Variants in PRKAG2 observed in about 807,000 individuals in gnomAD.
PRKAG2 encodes 5'-AMP-activated protein kinase subunit gamma-2.
Under a neutral mutation model 69.6 loss-of-function variants are expected in PRKAG2, and 26 were observed. The observed-to-expected ratio is 0.37, with a 90% CI of 0.27 to 0.52. The LOEUF (loss-of-function observed/expected upper bound fraction) is 0.52, where lower values mean the gene tolerates loss of function less well. Among genes scored for constraint, PRKAG2 ranks in the 20% least tolerant of loss-of-function variants. The probability of loss-of-function intolerance (pLI) is 0.90; values close to 1 mark genes in which losing one functional copy is unlikely to be tolerated. For missense variants in PRKAG2, 557 were observed against 740.0 expected (o/e 0.75, Z 2.87); for synonymous variants, 293 against 285.0 (o/e 1.03, Z -0.28).
Position 151,627,613 on chromosome 7 carries a change from G to A in PRKAG2, c.754+4456C>T, listed in dbSNP as rs142834451. ...TGCACTCCAGCCTGGGCAACAGAGC[G>A]AGACAAAAATAAAAAGAGAGAAAAA... On this transcript the variant is annotated intron_variant, in intron 5 of 15. Coordinates refer to ENST00000287878, the MANE Select transcript of PRKAG2 (RefSeq NM_016203.4). 1.4e-3 allele frequency among the ~76,000 whole-genome samples: 219 copies of A among 152,248 alleles called. 1 individual carries two copies. The highest frequency in any genetic ancestry group is 5.2e-3 in the African/African-American group (214 of 41,550).
chr7:151,833,553 G>C (rs1241930232), intron 1 of PRKAG2, among the ~76,000 whole-genome samples: 4 of 152,166 alleles, frequency 2.6e-5, no homozygotes, highest in African/African-American at 9.7e-5. Context: ...CCAGAGCGGG[G>C]CGGCAGGAGT....
intron 3 of PRKAG2, among the ~76,000 whole-genome samples, chr7:151,741,376 G>A (rs116310546): frequency 0.025 from 3,858 of 151,500 alleles, 168 homozygotes; most frequent in African/African-American, 0.088. Context: ...ATAATACAAC[G>A]GACAGAAAGA....
chr7:151,692,566 A>AT (rs11459865), intron 3 of PRKAG2, among the ~76,000 whole-genome samples: 26,803 of 151,426 alleles, frequency 0.18, 2,508 homozygotes, highest in Middle Eastern at 0.28. Flanking sequence ...AGAATAGCAC[A>AT]TTTTTTTTTA....
chr7:151,762,368 C>T (rs933963934), intron 3 of PRKAG2, among the ~76,000 whole-genome samples: 5 of 152,178 alleles, frequency 3.3e-5, no homozygotes, highest in African/African-American at 9.7e-5. Context: ...CGTACTCACA[C>T]ACATATGTTA....
chr7:151,749,695 A>G (rs1001977110), intron 3 of PRKAG2, among the ~76,000 whole-genome samples: 7 of 152,094 alleles, frequency 4.6e-5, no homozygotes, highest in African/African-American at 1.2e-4. Flanking sequence ...GGTGGCCAAA[A>G]GGTACAAGAA....
intron 4 of PRKAG2, 181 bp downstream of exon 4, chr7:151,675,239 T>G: frequency 1.4e-6 from 1 of 721,376 alleles, no homozygotes; most frequent in Non-Finnish European, 2.4e-6. Flanking sequence ...TGTATTTCCA[T>G]TTGCTATTGT....
chr7:151,616,277 CATGCACACATGCACAT>C (rs1820122123), intron 5 of PRKAG2, among the ~76,000 whole-genome samples: 1 of 152,168 alleles, frequency 6.6e-6, no homozygotes, highest in Non-Finnish European at 1.5e-5. Flanking sequence ...GGTGCACATG[CATGCACACATGCACAT>C]ATGCACACAG....
At chr7:151,801,794 C>G (rs943529795) in intron 1 of PRKAG2, among the ~76,000 whole-genome samples, 10 of 152,136 alleles carry the variant, frequency 6.6e-5, no homozygotes, top group African/African-American at 2.2e-4. Flanking sequence ...TCAGCTGCTG[C>G]GCCAGCTGGG....
chr7:151,759,339 C>G (rs896349524), intron 3 of PRKAG2, among the ~76,000 whole-genome samples: 6 of 152,204 alleles, frequency 3.9e-5, no homozygotes, highest in African/African-American at 1.4e-4. Context: ...ACCCCCGCAG[C>G]CCCTCTCCTT....
chr7:151,622,355 G>A (rs1013426268), intron 5 of PRKAG2, among the ~76,000 whole-genome samples: 10 of 152,278 alleles, frequency 6.6e-5, no homozygotes, highest in Admixed American at 5.9e-4. Flanking sequence ...TCTGTTGTGC[G>A]TCCTCTGACA....
chr7:151,849,394 A>G (rs912393467), intron 1 of PRKAG2, among the ~76,000 whole-genome samples: 1 of 152,174 alleles, frequency 6.6e-6, no homozygotes, highest in Non-Finnish European at 1.5e-5. Context: ...TTAGTCAAGA[A>G]TCTCCGTGCC....
chr7:151,680,775 G>A (rs1833765986), intron 3 of PRKAG2, among the ~76,000 whole-genome samples: 1 of 152,192 alleles, frequency 6.6e-6, no homozygotes, highest in Non-Finnish European at 1.5e-5. Flanking sequence ...GCTCTGTGCA[G>A]GGGTGTCTCC....
intron 9 of PRKAG2, among the ~76,000 whole-genome samples, chr7:151,571,696 C>A (rs1351987189): frequency 6.6e-6 from 1 of 152,104 alleles, no homozygotes; most frequent in East Asian, 1.9e-4. Context: ...AGATCCCATG[C>A]CAAATTTGTT....
chr7:151,845,501 C>G (rs1212723127), intron 1 of PRKAG2, among the ~76,000 whole-genome samples: 1 of 152,096 alleles, frequency 6.6e-6, no homozygotes, highest in East Asian at 1.9e-4. Flanking sequence ...AGAGCTTGCT[C>G]AAGTTTGAGA....
At chr7:151,646,818 A>G (rs566715097) in intron 4 of PRKAG2, among the ~76,000 whole-genome samples, 5 of 152,324 alleles carry the variant, frequency 3.3e-5, no homozygotes, top group African/African-American at 9.6e-5. Flanking sequence ...GGATAGATGG[A>G]TATCTGCTGC....
chr7:151,607,936 T>C (rs1267669317), intron 5 of PRKAG2, among the ~76,000 whole-genome samples: 1 of 152,184 alleles, frequency 6.6e-6, no homozygotes, highest in East Asian at 1.9e-4. Flanking sequence ...AATAAGGGTC[T>C]CTGCAGATGT....
chr7:151,761,561 G>A (rs2075412839), intron 3 of PRKAG2, among the ~76,000 whole-genome samples: 1 of 152,072 alleles, frequency 6.6e-6, no homozygotes, highest in Non-Finnish European at 1.5e-5. Flanking sequence ...CAACTAATCA[G>A]CTGCACCCAT....
Position 151,781,600 on chromosome 7 carries a change from AG to A in PRKAG2, c.187-170del, listed in dbSNP as rs1359697595. Reference sequence around the variant, plus strand: ...CAGAGGTAGCCACTGAATGGTCTGCAGGTAGCACCTGCCCCAAGGATGGCCC... The same window carrying A: ...CAGAGGTAGCCACTGAATGGTCTGCAGTAGCACCTGCCCCAAGGATGGCCC... On this transcript the variant is annotated intron_variant, in intron 2 of 15. Coordinates refer to ENST00000287878, the MANE Select transcript of PRKAG2 (RefSeq NM_016203.4). The surrounding 1 kb of genome is among the most constrained non-coding windows in gnomAD (Gnocchi z 6.1). 1.3e-5 allele frequency among the ~76,000 whole-genome samples: 2 copies of A among 152,200 alleles called. No individual in the cohort carries two copies. The highest frequency in any genetic ancestry group is 2.9e-5 in the Non-Finnish European group (2 of 68,032).
chr7:151,757,632 G>A (rs1195722005), intron 3 of PRKAG2, among the ~76,000 whole-genome samples: 1 of 152,108 alleles, frequency 6.6e-6, no homozygotes, highest in Non-Finnish European at 1.5e-5. Flanking sequence ...GCAGAAACCC[G>A]GGACTTACTT....
Sources: allele counts gnomAD v4.1 joint callset (sites outside exome capture counted in the v4.1 genomes callset), GRCh38; gene constraint gnomAD v4.1.1; non-coding constraint Gnocchi (gnomAD v3.1); transcripts MANE v1.5; gene names NCBI Gene and HGNC (gene_info 2026-07-23, HGNC 2026-07-21).